The following LYPD6B variants were observed in gnomAD, a reference collection of about 807,000 sequenced individuals.
The protein encoded by LYPD6B is ly6/PLAUR domain-containing protein 6B.
A neutral mutation model predicts 22.8 loss-of-function variants in LYPD6B; 17 were observed. The ratio of observed to expected loss-of-function variants is 0.75; its 90% CI spans 0.51 to 1.12. The LOEUF (loss-of-function observed/expected upper bound fraction) is 1.12. Ranked by LOEUF, LYPD6B falls within the 50% of genes most tolerant of loss-of-function variation. The probability of loss-of-function intolerance (pLI) is 0.00; values close to 1 mark genes in which losing one functional copy is unlikely to be tolerated. For synonymous variants in LYPD6B, 106 were observed against 91.6 expected, an observed-to-expected ratio of 1.16 and a Z score of -0.90; for missense variants, 221 against 258.3, an observed-to-expected ratio of 0.86 and a Z score of 0.99.
At chr2:149,158,052 G>A (rs1458921171) in intron 2 of LYPD6B, among the ~76,000 whole-genome samples, 1 of 152,012 alleles carries the variant, frequency 6.6e-6, no homozygotes, top group Non-Finnish European at 1.5e-5. Flanking sequence ...TTAAGATTGG[G>A]GTGGGGAGAT....
intron 1 of LYPD6B, among the ~76,000 whole-genome samples, chr2:149,084,738 A>G (rs1685308849): frequency 6.6e-6 from 1 of 152,194 alleles, no homozygotes. Flanking sequence ...TCAGATTAAT[A>G]AGGACATTCT....
chr2:149,135,386 TTG>T (rs1267548846), intron 2 of LYPD6B, among the ~76,000 whole-genome samples: 1 of 152,078 alleles, frequency 6.6e-6, no homozygotes, highest in African/African-American at 2.4e-5. Context: ...TTAATGAGCT[TTG>T]TGTGCATATT....
At chr2:149,058,735 T>G (rs1683921055) in intron 1 of LYPD6B, among the ~76,000 whole-genome samples, 1 of 152,216 alleles carries the variant, frequency 6.6e-6, no homozygotes, top group African/African-American at 2.4e-5. Flanking sequence ...TTCTCCTGCC[T>G]CAGCCTCCCT....
At chr2:149,046,597 C>T (rs918905638) in intron 1 of LYPD6B, among the ~76,000 whole-genome samples, 2 of 152,148 alleles carry the variant, frequency 1.3e-5, no homozygotes, top group South Asian at 2.1e-4. Flanking sequence ...ACTGTACCCT[C>T]GACCTCCTGG....
At chr2:149,140,787 A>T (rs1370622958) in intron 2 of LYPD6B, among the ~76,000 whole-genome samples, 1 of 152,148 alleles carries the variant, frequency 6.6e-6, no homozygotes, top group Non-Finnish European at 1.5e-5. Flanking sequence ...CTTTCTCTCC[A>T]TCTTGAATTT....
intron 1 of LYPD6B, among the ~76,000 whole-genome samples, chr2:149,092,117 AAT>A (rs1296044812): frequency 1.3e-5 from 2 of 152,002 alleles, no homozygotes; most frequent in Non-Finnish European, 2.9e-5. Flanking sequence ...TAGAGGTCTT[AAT>A]ATGTGTCAGG....
intron 1 of LYPD6B, among the ~76,000 whole-genome samples, chr2:149,059,616 C>T (rs6724064): frequency 0.54 from 81,945 of 152,128 alleles, 23,200 homozygotes; most frequent in Non-Finnish European, 0.61. Flanking sequence ...GGCGTTGTTC[C>T]GTTCACCTGC....
chr2:149,145,664 CA>C, intron 2 of LYPD6B, among the ~76,000 whole-genome samples: 1 of 152,264 alleles, frequency 6.6e-6, no homozygotes, highest in South Asian at 2.1e-4. Context: ...CTTTTAACAT[CA>C]GCAAAATTTT....
chr2:149,096,626 A>T (rs1436685240), intron 1 of LYPD6B, among the ~76,000 whole-genome samples: 3 of 152,332 alleles, frequency 2.0e-5, no homozygotes, highest in South Asian at 4.1e-4. Context: ...AGTCTTAAAG[A>T]TGCTGTGAAA....
chr2:149,191,557 C>A (rs1692491136), intron 3 of LYPD6B, among the ~76,000 whole-genome samples: 1 of 152,154 alleles, frequency 6.6e-6, no homozygotes, highest in Admixed American at 6.5e-5. Flanking sequence ...ATATGCTAGT[C>A]CTGTCTATAC....
At chr2:149,094,553 CAGT>C (rs1480994168) in intron 1 of LYPD6B, among the ~76,000 whole-genome samples, 2 of 152,186 alleles carry the variant, frequency 1.3e-5, no homozygotes, top group African/African-American at 4.8e-5. Context: ...CCTGTTAGAG[CAGT>C]AGAGTAATTA....
chr2:149,103,771 CTTTTT>C (rs56739458), intron 1 of LYPD6B, among the ~76,000 whole-genome samples: 26 of 74,322 alleles, frequency 3.5e-4, no homozygotes, highest in African/African-American at 1.1e-3. Context: ...TTGTGCATAT[CTTTTT>C]TTTTTTTTTT....
At chr2:149,114,226 T>G (rs565425113) in intron 1 of LYPD6B, among the ~76,000 whole-genome samples, 1 of 152,360 alleles carries the variant, frequency 6.6e-6, no homozygotes, top group South Asian at 2.1e-4. Context: ...ACTCTTTTTC[T>G]GAGTGCACAA....
chr2:149,168,863 G>T (rs1306740284), intron 3 of LYPD6B, among the ~76,000 whole-genome samples: 1 of 152,080 alleles, frequency 6.6e-6, no homozygotes, highest in Non-Finnish European at 1.5e-5. Flanking sequence ...TTACTTTGGG[G>T]CCTTAGCAGT....
At chr2:149,204,347 C>A (rs1290813290) in intron 3 of LYPD6B, among the ~76,000 whole-genome samples, 1 of 152,182 alleles carries the variant, frequency 6.6e-6, no homozygotes, top group African/African-American at 2.4e-5. Flanking sequence ...TTCTGCTGCC[C>A]ACACCTCCTC....
intron 3 of LYPD6B, among the ~76,000 whole-genome samples, chr2:149,162,312 T>C (rs1469638162): frequency 1.3e-5 from 2 of 152,312 alleles, no homozygotes; most frequent in South Asian, 2.1e-4. Flanking sequence ...ACAGCATTCC[T>C]GTAAGGAAGG....
chr2:149,135,566 A>G (rs911629737), intron 2 of LYPD6B, among the ~76,000 whole-genome samples: 2 of 151,902 alleles, frequency 1.3e-5, no homozygotes, highest in Non-Finnish European at 2.9e-5. Context: ...CTAAAAATAC[A>G]AAAATAAGCC....
intron 1 of LYPD6B, among the ~76,000 whole-genome samples, chr2:149,055,993 C>T (rs1683769932): frequency 6.6e-6 from 1 of 152,130 alleles, no homozygotes. Context: ...TTTCTATGAT[C>T]ACTTTTATAC....
intron 1 of LYPD6B, among the ~76,000 whole-genome samples, chr2:149,046,568 A>G (rs766966600): frequency 2.6e-5 from 4 of 151,898 alleles, no homozygotes; most frequent in Non-Finnish European, 5.9e-5. Flanking sequence ...GCCAGAGTAC[A>G]GTGGCGCAAT....
Sources: gnomAD v4.1 joint callset for allele counts (sites outside exome capture counted in the v4.1 genomes callset) on GRCh38, gnomAD v4.1.1 for gene constraint, MANE v1.5 for transcripts, NCBI Gene and HGNC (gene_info 2026-07-23, HGNC 2026-07-21) for gene names.